Variants in CERS6 observed in about 807,000 individuals in gnomAD.
The protein encoded by CERS6 is LAG1 homolog, ceramide synthase 6.
CERS6 carries 26 observed loss-of-function variants against 56.8 expected under a neutral mutation model. That is an observed-to-expected ratio of 0.46 (90% CI 0.34 to 0.63). CERS6 has a LOEUF of 0.63. Among genes scored for constraint, CERS6 ranks in the 30% least tolerant of loss-of-function variants. CERS6 has a pLI of 0.01. For missense variants in CERS6, 415 were observed against 467.5 expected, an observed-to-expected ratio of 0.89 and a Z score of 1.04; for synonymous variants, 164 against 173.3, an observed-to-expected ratio of 0.95 and a Z score of 0.42.
At chr2:168,691,342 A>C (rs1350176754) in intron 5 of CERS6, among the ~76,000 whole-genome samples, 5 of 152,208 alleles carry the variant, frequency 3.3e-5, no homozygotes, top group African/African-American at 1.2e-4. Context: ...AGGATCAATT[A>C]GTTCAACTGG....
chr2:168,498,959 C>G (rs1161533835), intron 1 of CERS6, among the ~76,000 whole-genome samples: 1 of 152,122 alleles, frequency 6.6e-6, no homozygotes, highest in Non-Finnish European at 1.5e-5. Context: ...TTCAAGGTTA[C>G]TCTGGGGTCC....
chr2:168,573,009 CTG>C (rs1696019174), intron 3 of CERS6, among the ~76,000 whole-genome samples: 1 of 152,012 alleles, frequency 6.6e-6, no homozygotes. Flanking sequence ...CTAGGGAAGA[CTG>C]AGAAGAGGAA....
chr2:168,469,559 G>C (rs746417535), intron 1 of CERS6, among the ~76,000 whole-genome samples: 1 of 152,138 alleles, frequency 6.6e-6, no homozygotes, highest in Non-Finnish European at 1.5e-5. Flanking sequence ...CAAGTCCACT[G>C]TGGGTCAGAC....
intron 1 of CERS6, among the ~76,000 whole-genome samples, chr2:168,487,479 A>C (rs1377790053): frequency 1.3e-5 from 2 of 152,226 alleles, no homozygotes; most frequent in Admixed American, 6.5e-5. Context: ...TATAACCCCC[A>C]AAACATTATT....
intron 8 of CERS6, among the ~76,000 whole-genome samples, chr2:168,764,645 G>T (rs1352829201): frequency 6.6e-6 from 1 of 151,582 alleles, no homozygotes; most frequent in Non-Finnish European, 1.5e-5. Flanking sequence ...CCTGTGCTAG[G>T]CATATGGCTT....
chr2:168,656,742 C>G (rs548296085), intron 4 of CERS6, among the ~76,000 whole-genome samples: 1 of 152,032 alleles, frequency 6.6e-6, no homozygotes. Context: ...GAAGGGGACC[C>G]GAGCGGGTTG....
chr2:168,599,914 G>A (rs1202882889), intron 3 of CERS6, among the ~76,000 whole-genome samples: 2 of 152,134 alleles, frequency 1.3e-5, no homozygotes, highest in Admixed American at 6.5e-5. Context: ...GACCAGAATG[G>A]CCTTTGATGT....
rs1238166724 is a variant in CERS6, at chr2:168,596,341, TG to T, written c.408-34638del. Among the ~76,000 whole-genome samples, 6 of 146,990 alleles carry T rather than the reference TG, an allele frequency of 4.1e-5. No homozygotes were observed. In the East Asian group the frequency reaches 1.2e-3, roughly 31 times the overall value. ...CAGATTATGTGTGTGGGCGGGGGATTGGGGGGAGGGGTTGTTGTCTTCTTGG... is the reference window on the plus strand; with the variant it reads ...CAGATTATGTGTGTGGGCGGGGGATTGGGGGAGGGGTTGTTGTCTTCTTGG... On this transcript the variant is annotated intron_variant, in intron 3 of 9. Coordinates refer to ENST00000305747, the MANE Select transcript of CERS6 (RefSeq NM_203463.3).
intron 4 of CERS6, among the ~76,000 whole-genome samples, chr2:168,632,193 C>G (rs906986231): frequency 1.3e-5 from 2 of 151,976 alleles, no homozygotes; most frequent in African/African-American, 4.8e-5. Context: ...AGTGATTTGG[C>G]ATAACATGGG....
intron 4 of CERS6, among the ~76,000 whole-genome samples, chr2:168,665,268 C>T (rs981189133): frequency 1.3e-5 from 2 of 151,878 alleles, no homozygotes; most frequent in African/African-American, 4.8e-5. Flanking sequence ...TTTAGACTTC[C>T]CATGATACTA....
At chr2:168,748,892 A>G (rs1474589947) in intron 8 of CERS6, among the ~76,000 whole-genome samples, 1 of 151,908 alleles carries the variant, frequency 6.6e-6, no homozygotes, top group Non-Finnish European at 1.5e-5. Flanking sequence ...CTTGGTTCAC[A>G]GTATAGGCAC....
chr2:168,584,005 C>T (rs1683482215), intron 3 of CERS6, among the ~76,000 whole-genome samples: 1 of 152,188 alleles, frequency 6.6e-6, no homozygotes, highest in South Asian at 2.1e-4. Flanking sequence ...CTTATTTAAT[C>T]CTTCCAACAC....
chr2:168,735,717 A>T (rs984513887), intron 8 of CERS6, among the ~76,000 whole-genome samples: 12 of 150,586 alleles, frequency 8.0e-5, no homozygotes, highest in Admixed American at 6.6e-5. Flanking sequence ...CTCTACTAAA[A>T]ATTTAAAAAA....
chr2:168,666,410 A>C (rs1485006305), intron 4 of CERS6, among the ~76,000 whole-genome samples: 1 of 152,178 alleles, frequency 6.6e-6, no homozygotes, highest in Non-Finnish European at 1.5e-5. Context: ...GAATCATACA[A>C]TATGTAGACT....
At chr2:168,737,010 G>A (rs1278294202) in intron 8 of CERS6, among the ~76,000 whole-genome samples, 1 of 152,214 alleles carries the variant, frequency 6.6e-6, no homozygotes, top group African/African-American at 2.4e-5. Flanking sequence ...AAGGGGATCC[G>A]TTGGTGGCTG....
intron 3 of CERS6, among the ~76,000 whole-genome samples, chr2:168,585,938 C>T (rs1248652637): frequency 6.6e-6 from 1 of 152,154 alleles, no homozygotes; most frequent in African/African-American, 2.4e-5. Context: ...CATTTAGATT[C>T]TGCAATATAC....
chr2:168,558,761 C>A (rs1466049439), intron 2 of CERS6, among the ~76,000 whole-genome samples: 3 of 152,248 alleles, frequency 2.0e-5, no homozygotes, highest in African/African-American at 7.2e-5. Flanking sequence ...CCCAGCTACT[C>A]TGGATGCTGA....
chr2:168,560,772 A>T (rs900294474), intron 2 of CERS6, among the ~76,000 whole-genome samples: 11 of 152,036 alleles, frequency 7.2e-5, no homozygotes, highest in Non-Finnish European at 1.6e-4. Flanking sequence ...ATTGGGTAGC[A>T]TTTGTTGTTG....
chr2:168,462,348 G>T (rs182108733), intron 1 of CERS6, among the ~76,000 whole-genome samples: 1 of 151,838 alleles, frequency 6.6e-6, no homozygotes, highest in Non-Finnish European at 1.5e-5. Context: ...GGATTGCCTC[G>T]TATAGCACAG....
Sources: allele counts gnomAD v4.1 joint callset (sites outside exome capture counted in the v4.1 genomes callset), GRCh38; gene constraint gnomAD v4.1.1; transcripts MANE v1.5; gene names NCBI Gene and HGNC (gene_info 2026-07-23, HGNC 2026-07-21).